Variants in TMEM17 observed in about 807,000 individuals in gnomAD.
TMEM17 encodes the protein transmembrane protein 17.
Under a neutral mutation model 19.1 loss-of-function variants are expected in TMEM17, and 15 were observed. The ratio of observed to expected loss-of-function variants is 0.78; its 90% CI spans 0.52 to 1.21. TMEM17 has a LOEUF of 1.21. TMEM17 is among the 50% of genes most tolerant of loss of function. TMEM17 has a pLI of 0.00. For missense variants in TMEM17, 245 were observed against 242.3 expected (o/e 1.01, Z -0.07); for synonymous variants, 103 against 86.9 (o/e 1.19, Z -1.03).
the TMEM17 span, among the ~76,000 whole-genome samples, chr2:62,492,220 G>A: frequency 2.0e-5 from 3 of 152,182 alleles, no homozygotes; most frequent in African/African-American, 7.2e-5. Context: ...ACCAGACAAG[G>A]TTAGGTCTAA....
In TMEM17 at chr2:62,501,145, G is replaced by T; in HGVS notation, c.*64C>A. The T allele has an allele frequency of 6.5e-7, 1 of 1,532,912 alleles. No individual in the cohort carries two copies. Among genetic ancestry groups the T allele is most frequent in the Middle Eastern group, 1.8e-4 (1 of 5,706 alleles). 95.0% of individuals were successfully genotyped at this position (1,532,912 alleles called of 1,614,324 possible). On this transcript the variant is annotated 3_prime_UTR_variant, in exon 4 of 4. Transcript: ENST00000335390. ...GCTTTGTCCCTTTTCTCAGAGCTCT[G>T]ATATTTTCCTAACTCTTACAGTCTC...
chr2:62,472,043 T>A, the TMEM17 span, among the ~76,000 whole-genome samples: 2 of 152,172 alleles, frequency 1.3e-5, no homozygotes, highest in Admixed American at 1.3e-4. Flanking sequence ...AAGCCAACCT[T>A]GGCGGGGTTT....
At chr2:62,466,986 T>A in the TMEM17 span, among the ~76,000 whole-genome samples, 53 of 152,296 alleles carry the variant, frequency 3.5e-4, no homozygotes, top group Admixed American at 1.3e-3. Context: ...TTATTTAATT[T>A]ATTTATTTAT....
chr2:62,465,585 C>CT, the TMEM17 span, among the ~76,000 whole-genome samples: 6 of 147,146 alleles, frequency 4.1e-5, no homozygotes, highest in African/African-American at 1.6e-4. Context: ...ATAGTGAGAC[C>CT]TTGTCTATAT....
the TMEM17 span, among the ~76,000 whole-genome samples, chr2:62,494,338 T>A: frequency 6.6e-6 from 1 of 152,162 alleles, no homozygotes; most frequent in Admixed American, 6.6e-5. Context: ...GGAGCAATAG[T>A]TTTTAGGATA....
At chr2:62,479,889 CAAAAAAAA>C in the TMEM17 span, among the ~76,000 whole-genome samples, 8 of 68,886 alleles carry the variant, frequency 1.2e-4, no homozygotes, top group African/African-American at 3.4e-4. Context: ...AGACCTGTCT[CAAAAAAAA>C]AAAAAAAAAA....
chr2:62,498,345 C>T (rs1326469488), downstream of TMEM17, among the ~76,000 whole-genome samples: 1 of 151,914 alleles, frequency 6.6e-6, no homozygotes, highest in Admixed American at 6.6e-5. Context: ...CGAGATCACG[C>T]CACTGCACTC....
the TMEM17 span, among the ~76,000 whole-genome samples, chr2:62,479,051 G>A: frequency 7.9e-5 from 12 of 152,276 alleles, no homozygotes; most frequent in African/African-American, 2.6e-4. Flanking sequence ...TCTCAAACAT[G>A]TATCATTTCT....
chr2:62,488,452 A>G, the TMEM17 span, among the ~76,000 whole-genome samples: 8 of 151,808 alleles, frequency 5.3e-5, no homozygotes, highest in African/African-American at 1.5e-4. Flanking sequence ...CAAGCAAGCA[A>G]TATATGGACA....
the TMEM17 span, among the ~76,000 whole-genome samples, chr2:62,475,157 C>G: frequency 2.0e-5 from 3 of 152,218 alleles, no homozygotes; most frequent in Non-Finnish European, 4.4e-5. Context: ...CTGCCCAACC[C>G]TGGTGTATTT....
the TMEM17 span, among the ~76,000 whole-genome samples, chr2:62,480,497 A>G: frequency 0.013 from 1,946 of 152,224 alleles, 20 homozygotes; most frequent in Middle Eastern, 0.054. Flanking sequence ...GCCCAGATCA[A>G]TGTTCTAAGT....
the TMEM17 span, among the ~76,000 whole-genome samples, chr2:62,493,471 G>A: frequency 6.6e-6 from 1 of 152,168 alleles, no homozygotes; most frequent in South Asian, 2.1e-4. Flanking sequence ...CAGTGAGATT[G>A]CTATCCTACT....
the TMEM17 span, among the ~76,000 whole-genome samples, chr2:62,462,039 A>G: frequency 6.6e-6 from 1 of 152,372 alleles, no homozygotes; most frequent in East Asian, 1.9e-4. Context: ...TGAAGTCTGC[A>G]GCTGGCCCCT....
chr2:62,468,036 G>A, the TMEM17 span, among the ~76,000 whole-genome samples: 4 of 152,292 alleles, frequency 2.6e-5, 1 homozygote, highest in African/African-American at 9.6e-5. Context: ...GCTTGGGGTT[G>A]AGGAGTTGTT....
intron 1 of TMEM17, among the ~76,000 whole-genome samples, chr2:62,504,659 T>C (rs1680018485): frequency 6.6e-6 from 1 of 152,244 alleles, no homozygotes; most frequent in Non-Finnish European, 1.5e-5. Context: ...AGTTGAGTTC[T>C]GTAAATGGAA....
chr2:62,505,454 G>C (rs1000859481), intron 1 of TMEM17, among the ~76,000 whole-genome samples: 1 of 151,878 alleles, frequency 6.6e-6, no homozygotes, highest in Non-Finnish European at 1.5e-5. Flanking sequence ...TGGTTTGAAA[G>C]GACTCATTAA....
chr2:62,468,177 G>A, the TMEM17 span, among the ~76,000 whole-genome samples: 32 of 152,068 alleles, frequency 2.1e-4, no homozygotes, highest in Non-Finnish European at 2.5e-4. Flanking sequence ...CTGTCCTGGT[G>A]CTCTTCCACG....
chr2:62,502,135 G>T, intron 3 of TMEM17: 1 of 181,140 alleles, frequency 5.5e-6, no homozygotes, highest in African/African-American at 2.4e-5. Flanking sequence ...GTATTTTCAA[G>T]ACTGATAAGA....
chr2:62,494,806 A>G, the TMEM17 span, among the ~76,000 whole-genome samples: 1 of 152,142 alleles, frequency 6.6e-6, no homozygotes, highest in Non-Finnish European at 1.5e-5. Context: ...GATCGAGACC[A>G]TCCTGGCTAA....
Sources: allele counts gnomAD v4.1 joint callset (sites outside exome capture counted in the v4.1 genomes callset), GRCh38; gene constraint gnomAD v4.1.1; transcripts MANE v1.5; gene names NCBI Gene and HGNC (gene_info 2026-07-23, HGNC 2026-07-21).